EHMT1: variants seen among roughly 807,000 people sequenced by gnomAD.
EHMT1 encodes histone-lysine N-methyltransferase EHMT1.
EHMT1 carries 15 observed loss-of-function variants against 147.2 expected under a neutral mutation model. The observed-to-expected ratio is 0.10, with a 90% CI of 0.07 to 0.16. The LOEUF (loss-of-function observed/expected upper bound fraction) is 0.16, where lower values mean the gene tolerates loss of function less well. Among genes scored for constraint, EHMT1 ranks in the 10% least tolerant of loss-of-function variants. EHMT1 has a pLI of 1.00. For synonymous variants in EHMT1, 795 were observed against 709.6 expected, an observed-to-expected ratio of 1.12 and a Z score of -1.91; for missense variants, 1,587 against 1,772.4, an observed-to-expected ratio of 0.90 and a Z score of 1.88.
chr9:137,818,487 C>T (rs973776112), intron 25 of EHMT1, among the ~76,000 whole-genome samples: 1 of 152,124 alleles, frequency 6.6e-6, no homozygotes, highest in Non-Finnish European at 1.5e-5. Flanking sequence ...GGACGGGCGC[C>T]GTGTACCAAG....
At chr9:137,700,043 T>A (rs1417838205) in intron 1 of EHMT1, among the ~76,000 whole-genome samples, 1 of 152,228 alleles carries the variant, frequency 6.6e-6, no homozygotes, top group Non-Finnish European at 1.5e-5. Context: ...TAAATGTATA[T>A]CATCATGTGG....
chr9:137,757,782 G>A lies in EHMT1; in HGVS notation c.1370-98G>A, dbSNP rs1268724412. ...GTTTTGAATGGATTAATTAGAAGTA[G>A]TCCATTTCCTGGGGCCCCAGCCTTG... On this transcript the variant is annotated intron_variant, in intron 8 of 26. Transcript: ENST00000460843. The A allele has an allele frequency of 7.7e-6, 12 of 1,562,978 alleles. No individual in the cohort carries two copies. The Admixed American group carries it at 2.0e-4, about 26-fold the overall frequency.
intron 1 of EHMT1, chr9:137,641,186 C>A (rs1316879265): frequency 7.2e-6 from 3 of 415,700 alleles, no homozygotes; most frequent in African/African-American, 4.2e-5. Context: ...GCCAGTAAAC[C>A]AGGTGAAGAA....
At chr9:137,709,232 G>A (rs779000022) in intron 1 of EHMT1, among the ~76,000 whole-genome samples, 3 of 152,146 alleles carry the variant, frequency 2.0e-5, no homozygotes, top group Non-Finnish European at 4.4e-5. Context: ...GAGAGCTCCT[G>A]TTGGGGGGTA....
At position 137,743,967 on chromosome 9, in the gene EHMT1, T is replaced by G. The variant is rs1305482934; in HGVS notation, c.1047T>G (p.Asp349Glu). The change falls in exon 6 of 27, where the codon GAT becomes GAG. Residue 349 changes from aspartate (D) to glutamate (E), a missense_variant. Transcript: ENST00000460843. Reference protein sequence around the residue: ...VNGESLEMDSDEDDSEELEED... With the variant: ...VNGESLEMDSEEDDSEELEED... ...GGGAGAGCCTGGAGATGGACTCGGATGAGGACGACTCAGAGGAGCTCGAGG... is the reference window on the plus strand; with the variant it reads ...GGGAGAGCCTGGAGATGGACTCGGAGGAGGACGACTCAGAGGAGCTCGAGG... 4 of 1,613,760 alleles carry G rather than the reference T, an allele frequency of 2.5e-6. No homozygotes were observed. Among genetic ancestry groups the G allele is most frequent in the Non-Finnish European group, 3.4e-6 (4 of 1,179,944 alleles).
At position 137,786,792 on chromosome 9, in the gene EHMT1, C is replaced by G. The variant is rs184639344; in HGVS notation, c.2383-4056C>G. 6.5e-6 allele frequency: 1 copy of G among 152,844 alleles called. No individual in the cohort carries two copies. The highest frequency in any genetic ancestry group is 2.4e-5 in the African/African-American group (1 of 41,610). The allele number at this position is 152,844 out of a possible 1,614,324, so 9.5% of individuals were successfully genotyped here. A position where few individuals can be genotyped will look rare whatever the true frequency, so the allele number is the denominator to read the frequency against. ...TGGAGTCATCTCCCCTGTGCACAGA[C>G]AGAGAAATCCATTGTGCAAAAAGTG... On this transcript the variant is annotated intron_variant, in intron 15 of 26. Transcript: ENST00000460843. This position sits in a 1 kb window ranked among gnomAD's most constrained non-coding sequence, Gnocchi z 4.3.
chr9:137,620,742 C>G (rs537073962), intron 1 of EHMT1, among the ~76,000 whole-genome samples: 1 of 152,154 alleles, frequency 6.6e-6, no homozygotes, highest in Non-Finnish European at 1.5e-5. Flanking sequence ...CTTGGCCAGT[C>G]GGTTGTAGGA....
rs537741177 is a variant in EHMT1 at position 137,623,458 on chromosome 9, A to G, written c.21+4409A>G. ...GAGATGGAGGTCCGCTCCGTCGCCCAGGCTGGAGTGCAGTGGCACTATCTC... is the reference window on the plus strand; with the variant it reads ...GAGATGGAGGTCCGCTCCGTCGCCCGGGCTGGAGTGCAGTGGCACTATCTC... On this transcript the variant is annotated intron_variant, in intron 1 of 26. Coordinates refer to ENST00000460843, the MANE Select transcript of EHMT1 (RefSeq NM_024757.5). Among the ~76,000 whole-genome samples, 232 of 151,342 alleles carry G rather than the reference A, an allele frequency of 1.5e-3. 1 individual carries two copies. The highest frequency in any genetic ancestry group is 5.5e-3 in the African/African-American group (225 of 41,216).
chr9:137,814,081 C>T (rs1424289038), intron 21 of EHMT1, among the ~76,000 whole-genome samples: 1 of 135,510 alleles, frequency 7.4e-6, no homozygotes, highest in Non-Finnish European at 1.6e-5. Context: ...CGCCCCCCGC[C>T]CCACAAGGTG....
intron 6 of EHMT1, chr9:137,746,755 A>G (rs1199958324): frequency 1.3e-5 from 2 of 152,132 alleles, no homozygotes; most frequent in Non-Finnish European, 2.9e-5. Context: ...ACTGACTGAC[A>G]TTTCTTCCCT....
At chr9:137,759,815 G>A (rs942526801) in intron 9 of EHMT1, among the ~76,000 whole-genome samples, 1 of 152,216 alleles carries the variant, frequency 6.6e-6, no homozygotes, top group African/African-American at 2.4e-5. Context: ...GGCGCTGGAT[G>A]GCGTCTGGGG....
At chr9:137,834,561 C>G (rs554167055) in intron 26 of EHMT1, 37 bp downstream of exon 26, 1 of 1,607,242 alleles carries the variant, frequency 6.2e-7, no homozygotes, top group Non-Finnish European at 8.5e-7. Context: ...TCTCCGCTGC[C>G]GGCGGGACGG....
chr9:137,775,184 T>C lies in EHMT1; in HGVS notation c.1723T>C (p.Cys575Arg). 1 of 1,613,884 alleles carries C rather than the reference T, an allele frequency of 6.2e-7. No individual in the cohort carries two copies. Among genetic ancestry groups the C allele is most frequent in the South Asian group, 1.1e-5 (1 of 91,086 alleles). ...PSNKAPLLVL[C>R]EDHRGRMVKH... is the part of the protein sequence containing the mutation. Reference sequence around the variant, plus strand: ...CAACAAGGCCCCGCTCCTCGTGCTGTGTGAAGACCACCGGGGCCGCATGGT... The same window carrying C: ...CAACAAGGCCCCGCTCCTCGTGCTGCGTGAAGACCACCGGGGCCGCATGGT... Residue 575 changes from cysteine to arginine, a missense_variant, in exon 11 of 27, where the codon TGT becomes CGT. Physicochemically the swap from Cys to Arg is radical, Grantham distance 180 (BLOSUM62 -3). This residue lies in a region of EHMT1 where 124 missense variants were observed against 197.8 expected (regional missense o/e 0.63). Transcript: ENST00000460843. This position sits in a 1 kb window ranked among gnomAD's most constrained non-coding sequence, Gnocchi z 6.1.
intron 1 of EHMT1, among the ~76,000 whole-genome samples, chr9:137,698,739 C>G (rs1248028687): frequency 6.6e-6 from 1 of 152,066 alleles, no homozygotes; most frequent in African/African-American, 2.4e-5. Flanking sequence ...CAACACAGTT[C>G]CATTGGTTCT....
rs191140678 is a variant in EHMT1, at chr9:137,627,089, G to A, written c.21+8040G>A. Among the ~76,000 whole-genome samples, 7 of 152,134 alleles carry A rather than the reference G, an allele frequency of 4.6e-5. No homozygotes were observed. In the East Asian group the frequency reaches 1.4e-3, roughly 29 times the overall value. On this transcript the variant is annotated intron_variant, in intron 1 of 26. Transcript: ENST00000460843. Reference sequence around the variant, plus strand: ...TCTCCTGCCTTCGCACCCCCTAGTAGCTGGGATTATAGGCGTGCGCCACCA... The same window carrying A: ...TCTCCTGCCTTCGCACCCCCTAGTAACTGGGATTATAGGCGTGCGCCACCA...
At chr9:137,700,989 G>A (rs570269863) in intron 1 of EHMT1, among the ~76,000 whole-genome samples, 19 of 152,286 alleles carry the variant, frequency 1.2e-4, no homozygotes, top group Admixed American at 1.0e-3. Context: ...AAATCATGGC[G>A]GAAGGCCTAG....
intron 14 of EHMT1, among the ~76,000 whole-genome samples, chr9:137,781,045 C>T (rs866227820): frequency 1.4e-5 from 2 of 142,526 alleles, no homozygotes; most frequent in African/African-American, 2.7e-5. Context: ...GTGGTGATGA[C>T]GCCGAGACGT....
At position 137,798,927 on chromosome 9, in the gene EHMT1, C is replaced by G. The variant is rs778424061; in HGVS notation, c.2607+13C>G. 3.7e-6 allele frequency: 6 copies of G among 1,602,044 alleles called. No homozygotes were observed. In the East Asian group the frequency reaches 1.3e-4, roughly 36 times the overall value. On this transcript the variant is annotated intron_variant, in intron 17 of 26. Transcript: ENST00000460843. ...CGTCAACTGTCAGGTACAGCCACCC[C>G]CTCCCCTTAGCAGTACACTGTGTGG... is the stretch of plus-strand genomic sequence containing the variant.
intron 4 of EHMT1, among the ~76,000 whole-genome samples, chr9:137,729,933 A>G (rs544927384): frequency 8.5e-5 from 13 of 152,312 alleles, no homozygotes; most frequent in African/African-American, 3.1e-4. Context: ...ACTGTCTTTT[A>G]GGGCAAAGGA....
Sources: gnomAD v4.1 joint callset for allele counts (sites outside exome capture counted in the v4.1 genomes callset) on GRCh38, gnomAD v4.1.1 for gene constraint, gnomAD v4.1.1 regional missense constraint, Gnocchi (gnomAD v3.1) non-coding constraint, MANE v1.5 for transcripts, NCBI Gene and HGNC (gene_info 2026-07-23, HGNC 2026-07-21) for gene names.